Variants in GFRAL observed in about 807,000 individuals in gnomAD.
The protein encoded by GFRAL is GDNF family receptor alpha-like.
Under a neutral mutation model 45.4 loss-of-function variants are expected in GFRAL, and 36 were observed. The ratio of observed to expected loss-of-function variants is 0.79; its 90% confidence interval spans 0.61 to 1.05. The LOEUF is 1.05. Among genes scored for constraint, GFRAL ranks in the 50% least tolerant of loss-of-function variants. The pLI is 0.00. For synonymous variants in GFRAL, 166 were observed against 154.1 expected, an observed-to-expected ratio of 1.08 and a Z score of -0.57; for missense variants, 507 against 467.5, an observed-to-expected ratio of 1.08 and a Z score of -0.78.
chr6:55,359,812 AC>A (rs1768249678), intron 6 of GFRAL, among the ~76,000 whole-genome samples: 2 of 151,968 alleles, frequency 1.3e-5, no homozygotes, highest in South Asian at 4.1e-4. Context: ...ATTTCACTGA[AC>A]AAAGCAAATC....
Position 55,343,172 on chromosome 6 carries a change from C to T in GFRAL, c.317-6920C>T, listed in dbSNP as rs951192383. Reference sequence around the variant, plus strand: ...GAATTGAACTCAGCTCTGCACCAAGCAGACCTAATAGACATCTACAGAACT... The same window carrying T: ...GAATTGAACTCAGCTCTGCACCAAGTAGACCTAATAGACATCTACAGAACT... On this transcript the variant is annotated intron_variant, in intron 3 of 8. Coordinates refer to ENST00000340465, the MANE Select transcript of GFRAL (RefSeq NM_207410.2). 9.9e-5 allele frequency among the ~76,000 whole-genome samples: 15 copies of T among 152,242 alleles called. No homozygotes were observed. In the East Asian group the frequency reaches 2.9e-3, roughly 29 times the overall value.
In GFRAL at chr6:55,398,150, G is replaced by C. The variant is rs550880933; in HGVS notation, c.953-1030G>C. Among the ~76,000 whole-genome samples, 8 of 152,290 alleles carry C rather than the reference G, an allele frequency of 5.3e-5. No homozygotes were observed. In the South Asian group the frequency reaches 1.7e-3, roughly 32 times the overall value. ...ATATCCCCATCATTAAGCAATGCAT[G>C]ACTGTAGATTTTCTTATCTCCCTTC... On this transcript the variant is annotated intron_variant, in intron 6 of 8. Coordinates refer to ENST00000340465, the MANE Select transcript of GFRAL (RefSeq NM_207410.2).
At chr6:55,360,212 G>A (rs115202592) in intron 6 of GFRAL, among the ~76,000 whole-genome samples, 2,050 of 151,848 alleles carry the variant, frequency 0.014, 46 homozygotes, top group African/African-American at 0.046. Flanking sequence ...CCATCTTCAG[G>A]GTTAGACCAT....
At chr6:55,344,884 C>T (rs934000708) in intron 3 of GFRAL, among the ~76,000 whole-genome samples, 3 of 152,024 alleles carry the variant, frequency 2.0e-5, no homozygotes, top group African/African-American at 7.2e-5. Context: ...ACAAGCATTC[C>T]TATACACCAA....
At chr6:55,359,236 T>A (rs1413265247) in intron 6 of GFRAL, 98 bp downstream of exon 6, 2 of 947,266 alleles carry the variant, frequency 2.1e-6, no homozygotes, top group African/African-American at 1.7e-5. Context: ...AAAGAGGTAA[T>A]CCAGCACAGA....
In GFRAL at chr6:55,365,610, T is replaced by G. The variant is rs1768350650; in HGVS notation, c.952+6472T>G. On this transcript the variant is annotated intron_variant, in intron 6 of 8. Coordinates refer to ENST00000340465, the MANE Select transcript of GFRAL (RefSeq NM_207410.2). ...ATAGCTCTTATTATTTTGAAATATGTCCCATCAATACCTAATTTATTGAGA... is the reference window on the plus strand; with the variant it reads ...ATAGCTCTTATTATTTTGAAATATGGCCCATCAATACCTAATTTATTGAGA... Among the ~76,000 whole-genome samples the G allele has an allele frequency of 1.7e-5, 2 of 119,350 alleles. 1 individual carries two copies. Among genetic ancestry groups the G allele is most frequent in the African/African-American group, 7.3e-5 (2 of 27,448 alleles). 78.3% of individuals were successfully genotyped at this position (119,350 alleles called of 152,430 possible). A position where few individuals can be genotyped will look rare whatever the true frequency, so the allele number is the denominator to read the frequency against.
At chr6:55,389,835 A>T (rs1251208523) in intron 6 of GFRAL, among the ~76,000 whole-genome samples, 1 of 152,206 alleles carries the variant, frequency 6.6e-6, no homozygotes, top group African/African-American at 2.4e-5. Context: ...AAAGGTGCTA[A>T]TACCTCATAT....
At chr6:55,354,588 T>C (rs1429934295) in intron 5 of GFRAL, among the ~76,000 whole-genome samples, 2 of 152,028 alleles carry the variant, frequency 1.3e-5, no homozygotes, top group Non-Finnish European at 2.9e-5. Context: ...ATAATATTAG[T>C]AGTCAATGTG....
chr6:55,353,734 T>C (rs1424713284), intron 5 of GFRAL, among the ~76,000 whole-genome samples: 4 of 152,084 alleles, frequency 2.6e-5, no homozygotes, highest in Admixed American at 2.0e-4. Flanking sequence ...AAATAAATTT[T>C]TAAGGTCAAT....
intron 5 of GFRAL, among the ~76,000 whole-genome samples, chr6:55,357,524 C>T (rs1158291175): frequency 1.3e-5 from 2 of 151,518 alleles, no homozygotes; most frequent in African/African-American, 4.8e-5. Context: ...ATATCTTTTT[C>T]CATCCCTTTA....
In GFRAL at chr6:55,401,986, TC is replaced by T; in HGVS notation, c.*134del. On this transcript the variant is annotated 3_prime_UTR_variant, in exon 9 of 9. Coordinates refer to ENST00000340465, the MANE Select transcript of GFRAL (RefSeq NM_207410.2). Reference sequence around the variant, plus strand: ...TCTCTGTTTCTTTTTCTTTTTCTTTTCTTTTTTGTGGCGGAGTTTTGCTCTT... The same window carrying T: ...TCTCTGTTTCTTTTTCTTTTTCTTTTTTTTTTGTGGCGGAGTTTTGCTCTT... 1 of 590,168 alleles carries T rather than the reference TC, an allele frequency of 1.7e-6. No individual in the cohort carries two copies. Among genetic ancestry groups the T allele is most frequent in the Non-Finnish European group, 2.9e-6 (1 of 344,336 alleles). 36.6% of individuals were successfully genotyped at this position (590,168 alleles called of 1,614,324 possible). A position where few individuals can be genotyped will look rare whatever the true frequency, so the allele number is the denominator to read the frequency against.
chr6:55,362,610 T>A (rs1768291512), intron 6 of GFRAL, among the ~76,000 whole-genome samples: 1 of 151,938 alleles, frequency 6.6e-6, no homozygotes, highest in African/African-American at 2.4e-5. Context: ...GAGAGAGAAG[T>A]TGGTTAAGAG....
At chr6:55,336,469 C>T (rs1767892753) in intron 3 of GFRAL, among the ~76,000 whole-genome samples, 1 of 152,118 alleles carries the variant, frequency 6.6e-6, no homozygotes, top group African/African-American at 2.4e-5. Flanking sequence ...ACTTTTTAGG[C>T]TTCTACAAAC....
At chr6:55,349,106 A>T (rs1216226007) in intron 3 of GFRAL, among the ~76,000 whole-genome samples, 2 of 151,946 alleles carry the variant, frequency 1.3e-5, no homozygotes, top group Non-Finnish European at 2.9e-5. Flanking sequence ...TCAAGCTGAG[A>T]CTTGATCAAT....
At chr6:55,373,337 G>A (rs1768478577) in intron 6 of GFRAL, among the ~76,000 whole-genome samples, 1 of 152,084 alleles carries the variant, frequency 6.6e-6, no homozygotes, top group African/African-American at 2.4e-5. Flanking sequence ...CCTCCTCGGG[G>A]AACATGGAAT....
chr6:55,392,535 A>G (rs9370417), intron 6 of GFRAL, among the ~76,000 whole-genome samples: 37,384 of 152,150 alleles, frequency 0.25, 5,422 homozygotes, highest in East Asian at 0.36. Flanking sequence ...TCATGGGGAC[A>G]TGTTGGGAAA....
Position 55,364,124 on chromosome 6 carries a change from G to A in GFRAL, c.952+4986G>A, listed in dbSNP as rs891799976. Among the ~76,000 whole-genome samples the A allele has an allele frequency of 8.7e-5, 13 of 149,664 alleles. 1 individual carries two copies. The highest frequency in any genetic ancestry group is 3.0e-4 in the African/African-American group (12 of 39,956). On this transcript the variant is annotated intron_variant, in intron 6 of 8. Coordinates refer to ENST00000340465, the MANE Select transcript of GFRAL (RefSeq NM_207410.2). Reference sequence around the variant, plus strand: ...GTTGTTTCCTGCCTTTTAAATGATTGCCATTCTAAGTGGTGTGAGATGGTA... The same window carrying A: ...GTTGTTTCCTGCCTTTTAAATGATTACCATTCTAAGTGGTGTGAGATGGTA...
chr6:55,359,580 G>A (rs927603842), intron 6 of GFRAL, among the ~76,000 whole-genome samples: 1 of 151,902 alleles, frequency 6.6e-6, no homozygotes, highest in African/African-American at 2.4e-5. Context: ...CTTTTGGGGG[G>A]TCACTCATGT....
At chr6:55,350,204 C>A (rs1768097966) in intron 4 of GFRAL, 59 bp downstream of exon 4, 7 of 1,015,462 alleles carry the variant, frequency 6.9e-6, no homozygotes, top group East Asian at 2.4e-5. Flanking sequence ...ATATAAAATG[C>A]AGTTACCAGG....
Sources: gnomAD v4.1 joint callset for allele counts (sites outside exome capture counted in the v4.1 genomes callset) on GRCh38, gnomAD v4.1.1 for gene constraint, MANE v1.5 for transcripts, NCBI Gene and HGNC (gene_info 2026-07-23, HGNC 2026-07-21) for gene names.